Variants in CNTNAP5 observed in about 807,000 individuals in gnomAD.
The protein encoded by CNTNAP5 is contactin associated protein family member 5.
In CNTNAP5, 72 loss-of-function variants were observed where a neutral mutation model predicts 150.2. The observed-to-expected ratio is 0.48, with a 90% CI of 0.40 to 0.58. The LOEUF (loss-of-function observed/expected upper bound fraction) is 0.58, where lower values mean the gene tolerates loss of function less well. Ranked by LOEUF, CNTNAP5 falls within the 20% of genes least tolerant of loss-of-function variation. CNTNAP5 has a pLI of 0.00. For synonymous variants in CNTNAP5, 672 were observed against 619.8 expected, an observed-to-expected ratio of 1.08 and a Z score of -1.25; for missense variants, 1,636 against 1,626.2, an observed-to-expected ratio of 1.01 and a Z score of -0.10.
chr2:124,879,297 GT>G (rs1677921489), intron 21 of CNTNAP5, among the ~76,000 whole-genome samples: 1 of 152,056 alleles, frequency 6.6e-6, no homozygotes, highest in South Asian at 2.1e-4. Flanking sequence ...TATAATGTAT[GT>G]TGAAGGAAAA....
At chr2:124,815,386 TAGTGG>T (rs1433799799) in intron 19 of CNTNAP5, among the ~76,000 whole-genome samples, 1 of 152,212 alleles carries the variant, frequency 6.6e-6, no homozygotes, top group East Asian at 1.9e-4. Context: ...CAAATATATT[TAGTGG>T]AGTCTGGAAT....
rs531586104 is a variant in CNTNAP5, at chr2:124,729,260, A to G, written c.2078-17969A>G. 1.3e-5 allele frequency among the ~76,000 whole-genome samples: 2 copies of G among 152,168 alleles called. 1 individual carries two copies. Among genetic ancestry groups the G allele is most frequent in the African/African-American group, 4.8e-5 (2 of 41,534 alleles). On this transcript the variant is annotated intron_variant, in intron 13 of 23. Transcript: ENST00000682447. ...ATGTATATGCATTTCTTAGTTGAGA[A>G]CTCTAATCTTCAAATATTTTTATTA...
At chr2:124,444,787 T>C (rs2104804389) in intron 5 of CNTNAP5, among the ~76,000 whole-genome samples, 1 of 152,302 alleles carries the variant, frequency 6.6e-6, no homozygotes, top group East Asian at 1.9e-4. Context: ...CACGCTTCCC[T>C]ACATCTCTAA....
chr2:124,911,664 C>G, intron 23 of CNTNAP5, 126 bp downstream of exon 23: 1 of 734,868 alleles, frequency 1.4e-6, no homozygotes, highest in Non-Finnish European at 2.3e-6. Flanking sequence ...ACCTGCAAGA[C>G]TGTGGGCTTT....
chr2:124,236,185 T>C (rs1272364615), intron 2 of CNTNAP5, among the ~76,000 whole-genome samples: 1 of 152,078 alleles, frequency 6.6e-6, no homozygotes, highest in Non-Finnish European at 1.5e-5. Flanking sequence ...ACACTGGTCT[T>C]GAATTCCTGA....
At chr2:124,204,609 T>C (rs1383875686) in intron 1 of CNTNAP5, among the ~76,000 whole-genome samples, 1 of 152,214 alleles carries the variant, frequency 6.6e-6, no homozygotes, top group South Asian at 2.1e-4. Context: ...TAGTTACATA[T>C]GGCTGGAAAG....
rs113078368 is a variant in CNTNAP5, at chr2:124,320,900, C to A, written c.381+78507C>A. On this transcript the variant is annotated intron_variant, in intron 3 of 23. Coordinates refer to ENST00000682447, the MANE Select transcript of CNTNAP5 (RefSeq NM_001367498.1). Reference sequence around the variant, plus strand: ...TAAGTATTCTCTGTTTTTAGGAATGCGTCACAATGGGAAAAGAGATCAATT... The same window carrying A: ...TAAGTATTCTCTGTTTTTAGGAATGAGTCACAATGGGAAAAGAGATCAATT... Among the ~76,000 whole-genome samples, 588 of 152,036 alleles carry A rather than the reference C, an allele frequency of 3.9e-3. 5 individuals carry two copies. Among genetic ancestry groups the A allele is most frequent in the African/African-American group, 0.014 (563 of 41,436 alleles).
chr2:124,167,625 T>C (rs1684838001), intron 1 of CNTNAP5, among the ~76,000 whole-genome samples: 2 of 152,200 alleles, frequency 1.3e-5, no homozygotes, highest in Admixed American at 1.3e-4. Context: ...GAGAACAGAT[T>C]GTCTCTTCAC....
At chr2:124,611,043 T>TC in intron 12 of CNTNAP5, among the ~76,000 whole-genome samples, 1 of 141,168 alleles carries the variant, frequency 7.1e-6, no homozygotes, top group Non-Finnish European at 1.5e-5. Context: ...TGTTTGTTTG[T>TC]TTCAAGCACT....
intron 19 of CNTNAP5, among the ~76,000 whole-genome samples, chr2:124,829,243 G>A (rs140733227): frequency 2.0e-5 from 3 of 152,026 alleles, no homozygotes; most frequent in Non-Finnish European, 4.4e-5. Flanking sequence ...GGCCAAAAGG[G>A]CTTCTTCCCT....
At chr2:124,679,767 G>C (rs976920520) in intron 13 of CNTNAP5, among the ~76,000 whole-genome samples, 1 of 151,810 alleles carries the variant, frequency 6.6e-6, no homozygotes, top group East Asian at 1.9e-4. Context: ...GTCTCGACAT[G>C]TTGCCCAGGC....
At chr2:124,279,753 G>A (rs1244643534) in intron 3 of CNTNAP5, among the ~76,000 whole-genome samples, 2 of 152,070 alleles carry the variant, frequency 1.3e-5, no homozygotes, top group Admixed American at 6.6e-5. Flanking sequence ...AAGGATGTGA[G>A]AGGAGTCACA....
intron 1 of CNTNAP5, among the ~76,000 whole-genome samples, chr2:124,046,325 T>C (rs1014109056): frequency 1.3e-5 from 2 of 151,182 alleles, no homozygotes; most frequent in Admixed American, 1.3e-4. Context: ...CTGGAATTAA[T>C]AGGAATGAAC....
chr2:124,899,375 C>A (rs1678371256), intron 21 of CNTNAP5, among the ~76,000 whole-genome samples: 1 of 151,398 alleles, frequency 6.6e-6, no homozygotes, highest in South Asian at 2.1e-4. Flanking sequence ...CAACCTGTAC[C>A]TATCAGCAGC....
intron 10 of CNTNAP5, among the ~76,000 whole-genome samples, chr2:124,553,968 A>G (rs1695692023): frequency 6.6e-6 from 1 of 152,174 alleles, no homozygotes; most frequent in Non-Finnish European, 1.5e-5. Context: ...TGCCGATGGG[A>G]GTGTTCTGGT....
chr2:124,772,738 C>A, intron 16 of CNTNAP5, 61 bp from the exon 17 acceptor site: 2 of 1,277,254 alleles, frequency 1.6e-6, no homozygotes, highest in South Asian at 1.2e-5. Context: ...CCCACTCAAG[C>A]CTGTGCCTTG....
Position 124,910,141 on chromosome 2 carries a change from C to A in CNTNAP5, c.3656-1326C>A, listed in dbSNP as rs142978319. On this transcript the variant is annotated intron_variant, in intron 22 of 23. Transcript: ENST00000682447. ...CAAATGGCATAAACTACCACACTCC[C>A]TTCACTTGAAGACACAATAAATACT... Among the ~76,000 whole-genome samples, 760 of 152,024 alleles carry A rather than the reference C, an allele frequency of 5.0e-3. 7 individuals are homozygous for A. Among genetic ancestry groups the A allele is most frequent in the African/African-American group, 0.017 (708 of 41,490 alleles).
chr2:124,730,378 T>C (rs947416574), intron 13 of CNTNAP5, among the ~76,000 whole-genome samples: 4 of 151,914 alleles, frequency 2.6e-5, no homozygotes, highest in African/African-American at 9.7e-5. Flanking sequence ...CAAACAGATA[T>C]GTATTTATTC....
intron 10 of CNTNAP5, among the ~76,000 whole-genome samples, chr2:124,532,690 G>A (rs370067613): frequency 6.4e-4 from 98 of 152,210 alleles, no homozygotes; most frequent in African/African-American, 2.2e-3. Flanking sequence ...AATCCACCCC[G>A]CCCACAGTCT....
Sources: gnomAD v4.1 joint callset for allele counts (sites outside exome capture counted in the v4.1 genomes callset) on GRCh38, gnomAD v4.1.1 for gene constraint, MANE v1.5 for transcripts, NCBI Gene and HGNC (gene_info 2026-07-23, HGNC 2026-07-21) for gene names.